Variants in NUAK1 observed in about 807,000 individuals in gnomAD.
NUAK1 encodes the protein NUAK family kinase 1.
In NUAK1, 26 loss-of-function variants were observed where a neutral mutation model predicts 56.9. The observed-to-expected ratio is 0.46, with a 90% confidence interval of 0.33 to 0.63. NUAK1 has a LOEUF of 0.63. Ranked by LOEUF, NUAK1 falls within the 30% of genes least tolerant of loss-of-function variation. NUAK1 has a pLI of 0.02. For missense variants in NUAK1, 727 were observed against 876.1 expected, an observed-to-expected ratio of 0.83 and a Z score of 2.15; for synonymous variants, 337 against 336.0, an observed-to-expected ratio of 1.00 and a Z score of -0.03.
intron 1 of NUAK1, among the ~76,000 whole-genome samples, chr12:106,118,503 G>T (rs1380497156): frequency 6.6e-6 from 1 of 152,240 alleles, no homozygotes; most frequent in Non-Finnish European, 1.5e-5. Context: ...TTGCTCAAAT[G>T]TCGTGGAAGG....
intron 4 of NUAK1, among the ~76,000 whole-genome samples, chr12:106,083,243 G>C (rs1364761806): frequency 6.6e-6 from 1 of 152,206 alleles, no homozygotes; most frequent in African/African-American, 2.4e-5. Context: ...AGAAGTAGGA[G>C]ACAGGGTGGA....
At chr12:106,127,264 A>G (rs147563732) in intron 1 of NUAK1, among the ~76,000 whole-genome samples, 94 of 152,282 alleles carry the variant, frequency 6.2e-4, no homozygotes, top group African/African-American at 2.2e-3. Flanking sequence ...TCCTGGGCTC[A>G]AGCAATCCTC....
At chr12:106,126,336 G>A (rs2033024039) in intron 1 of NUAK1, among the ~76,000 whole-genome samples, 1 of 152,196 alleles carries the variant, frequency 6.6e-6, no homozygotes, top group South Asian at 2.1e-4. Context: ...CTACCTGGGA[G>A]AGGCAGAAGG....
intron 4 of NUAK1, among the ~76,000 whole-genome samples, chr12:106,074,432 T>C (rs1367252736): frequency 6.6e-6 from 1 of 152,184 alleles, no homozygotes; most frequent in African/African-American, 2.4e-5. Context: ...CACACATTTT[T>C]TGAAAAACTC....
At position 106,070,769 on chromosome 12, in the gene NUAK1, C is replaced by T. The variant is rs1377021903; in HGVS notation, c.832+5G>A. ...CCTCTGACCCTCCCTCCACAGGGCACGCACCTGAGGGCTGTGTTGGCTCCC... is the reference window on the plus strand; with the variant it reads ...CCTCTGACCCTCCCTCCACAGGGCATGCACCTGAGGGCTGTGTTGGCTCCC... On this transcript the variant is annotated splice_donor_5th_base_variant and intron_variant, in intron 6 of 6. Coordinates refer to ENST00000261402, the MANE Select transcript of NUAK1 (RefSeq NM_014840.3). 3 of 1,614,144 alleles carry T rather than the reference C, an allele frequency of 1.9e-6. No homozygotes were observed. Among genetic ancestry groups the T allele is most frequent in the South Asian group, 1.1e-5 (1 of 91,082 alleles).
At chr12:106,075,940 G>A (rs2032460791) in intron 4 of NUAK1, among the ~76,000 whole-genome samples, 1 of 152,168 alleles carries the variant, frequency 6.6e-6, no homozygotes, top group African/African-American at 2.4e-5. Flanking sequence ...ACTTAGTTTT[G>A]AGCTTATCTT....
intron 2 of NUAK1, among the ~76,000 whole-genome samples, chr12:106,093,564 T>C (rs536743189): frequency 6.6e-6 from 1 of 152,284 alleles, no homozygotes; most frequent in South Asian, 2.1e-4. Flanking sequence ...AAATGTGTAT[T>C]ATAAAAACAG....
chr12:106,085,290 T>C, intron 3 of NUAK1, among the ~76,000 whole-genome samples: 1 of 152,248 alleles, frequency 6.6e-6, no homozygotes, highest in Admixed American at 6.5e-5. Context: ...TGATACCTCA[T>C]GATGAAATAC....
chr12:106,094,271 T>C (rs73397149), intron 2 of NUAK1, among the ~76,000 whole-genome samples: 3,103 of 152,266 alleles, frequency 0.02, 105 homozygotes, highest in African/African-American at 0.069. Flanking sequence ...TTTTTGTAAT[T>C]TTCCCAAAAT....
chr12:106,098,087 T>C (rs2032712510), intron 2 of NUAK1, among the ~76,000 whole-genome samples: 1 of 152,208 alleles, frequency 6.6e-6, no homozygotes, highest in African/African-American at 2.4e-5. Flanking sequence ...CCACAGCCCC[T>C]GTCTCTTGAT....
intron 3 of NUAK1, among the ~76,000 whole-genome samples, chr12:106,085,760 G>A (rs1185069863): frequency 6.6e-6 from 1 of 152,120 alleles, no homozygotes; most frequent in Admixed American, 6.5e-5. Flanking sequence ...AGGCTGGAGA[G>A]CAGTGGCACC....
chr12:106,093,877 C>A lies in NUAK1; in HGVS notation c.362-6992G>T, dbSNP rs539916783. On this transcript the variant is annotated intron_variant, in intron 2 of 6. Transcript: ENST00000261402. ...GCAGTGGCAAGATCTCAGCTCACTG[C>A]AACCTCCGCCTCCCAGGCTTAAGTG... Among the ~76,000 whole-genome samples the A allele has an allele frequency of 2.0e-4, 30 of 152,312 alleles. No individual in the cohort carries two copies. The South Asian group carries it at 5.8e-3, about 29-fold the overall frequency.
chr12:106,117,125 G>T (rs951191251), intron 1 of NUAK1, among the ~76,000 whole-genome samples: 1 of 152,122 alleles, frequency 6.6e-6, no homozygotes, highest in East Asian at 1.9e-4. Context: ...TGACTTCACT[G>T]TGAGGACTAT....
intron 1 of NUAK1, among the ~76,000 whole-genome samples, chr12:106,133,753 T>C (rs562977293): frequency 6.6e-6 from 1 of 152,344 alleles, no homozygotes; most frequent in Non-Finnish European, 1.5e-5. Flanking sequence ...CAAACTCACT[T>C]TCATGAGCTA....
At chr12:106,125,833 C>A in intron 1 of NUAK1, among the ~76,000 whole-genome samples, 1 of 152,188 alleles carries the variant, frequency 6.6e-6, no homozygotes. Context: ...GAGCAGCAAG[C>A]ACATCACTGC....
Position 106,067,694 on chromosome 12 carries a change from T to G in NUAK1, c.1094A>C (p.Gln365Pro). 6.2e-7 allele frequency: 1 copy of G among 1,614,248 alleles called. No homozygotes were observed. Among genetic ancestry groups the G allele is most frequent in the Non-Finnish European group, 8.5e-7 (1 of 1,180,030 alleles). Residue 365 changes from glutamine to proline, a missense_variant, in exon 7 of 7, where the codon CAG (glutamine) becomes CCG (proline). Gln to Pro is a moderately conservative substitution (Grantham distance 76). Transcript: ENST00000261402. This position sits in a 1 kb window ranked among gnomAD's most constrained non-coding sequence, Gnocchi z 6.0. ...PTTSEVMLER[Q>P]RSLKKSKKEN... ...TTTCTTGGATTTCTTCAGCGACCGC[T>G]GCCGCTCTAGCATGACCTCAGAGGT...
At position 106,088,968 on chromosome 12, in the gene NUAK1, G is replaced by A. The variant is rs931114452; in HGVS notation, c.362-2083C>T. The stretch of plus-strand genomic sequence containing the variant: ...AGGAGGAGGGTAGGGAGGAGGAGGA[G>A]GAGAGAACATCCAGATAAAATTGGC... On this transcript the variant is annotated intron_variant, in intron 2 of 6. Transcript: ENST00000261402. Among the ~76,000 whole-genome samples the A allele has an allele frequency of 2.0e-5, 3 of 152,220 alleles. No individual in the cohort carries two copies. In the East Asian group the frequency reaches 5.8e-4, roughly 29 times the overall value.
intron 2 of NUAK1, among the ~76,000 whole-genome samples, chr12:106,097,635 G>C (rs1003195699): frequency 6.6e-6 from 1 of 152,200 alleles, no homozygotes; most frequent in Non-Finnish European, 1.5e-5. Context: ...CCAAGTAACT[G>C]ATGCTAGAAA....
intron 1 of NUAK1, among the ~76,000 whole-genome samples, chr12:106,130,428 AT>A (rs1368959909): frequency 1.3e-5 from 2 of 152,362 alleles, no homozygotes; most frequent in East Asian, 3.9e-4. Flanking sequence ...TGCTGGACAC[AT>A]TGTTAAGCAC....
Sources: gnomAD v4.1 joint callset for allele counts (sites outside exome capture counted in the v4.1 genomes callset) on GRCh38, gnomAD v4.1.1 for gene constraint, Gnocchi (gnomAD v3.1) non-coding constraint, MANE v1.5 for transcripts, NCBI Gene and HGNC (gene_info 2026-07-23, HGNC 2026-07-21) for gene names.